The following SMAD5 variants were observed in gnomAD, a reference collection of about 807,000 sequenced individuals.
The protein encoded by SMAD5 is MAD, mothers against decapentaplegic homolog 5.
In SMAD5, 9 loss-of-function variants were observed where a neutral mutation model predicts 43.1. The ratio of observed to expected loss-of-function variants is 0.21; its 90% confidence interval spans 0.13 to 0.36. SMAD5 has a LOEUF of 0.36. SMAD5 is among the 10% of genes least tolerant of loss of function. The pLI is 1.00. For synonymous variants in SMAD5, 190 were observed against 192.4 expected, an observed-to-expected ratio of 0.99 and a Z score of 0.10; for missense variants, 348 against 574.0, an observed-to-expected ratio of 0.61 and a Z score of 4.02.
Position 136,177,087 on chromosome 5 carries a change from A to G in SMAD5, c.1255-250A>G, listed in dbSNP as rs373671975. Among the ~76,000 whole-genome samples the G allele has an allele frequency of 1.4e-4, 22 of 152,208 alleles. No homozygotes were observed. In the East Asian group the frequency reaches 2.1e-3, roughly 15 times the overall value. ...CTAAGATTAAAAAAAATTATGAACT[A>G]TAACTGGCTCTAAGGGTTTCTTTTA... On this transcript the variant is annotated intron_variant, in intron 7 of 7. Transcript: ENST00000545279.
At chr5:136,153,154 A>G (rs1753522813) in intron 2 of SMAD5, among the ~76,000 whole-genome samples, 1 of 152,164 alleles carries the variant, frequency 6.6e-6, no homozygotes, top group African/African-American at 2.4e-5. Flanking sequence ...AAAGAGAATA[A>G]TGACCTTAGA....
intron 3 of SMAD5, among the ~76,000 whole-genome samples, chr5:136,158,129 A>G (rs565945775): frequency 1.3e-5 from 2 of 152,308 alleles, no homozygotes; most frequent in African/African-American, 4.8e-5. Flanking sequence ...AGCATTGAGG[A>G]AGATGGCAGA....
At chr5:136,168,765 G>A (rs940161058) in intron 5 of SMAD5, among the ~76,000 whole-genome samples, 1 of 152,126 alleles carries the variant, frequency 6.6e-6, no homozygotes, top group Non-Finnish European at 1.5e-5. Flanking sequence ...TCTTTTTACT[G>A]TCTCTATAGT....
Position 136,172,415 on chromosome 5 carries a change from G to A in SMAD5, c.776-19G>A, listed in dbSNP as rs1754260338. The stretch of plus-strand genomic sequence containing the variant: ...TTCTGATATGTATTAAACTCTTTCT[G>A]TGTCTGGTTTGTTCACAGATGTTCA... On this transcript the variant is annotated intron_variant, in intron 5 of 7. Coordinates refer to ENST00000545279, the MANE Select transcript of SMAD5 (RefSeq NM_005903.7). 2.4e-5 allele frequency: 35 copies of A among 1,445,116 alleles called. No individual in the cohort carries two copies. The highest frequency in any genetic ancestry group is 3.3e-5 in the Non-Finnish European group (34 of 1,034,288). The allele number at this position is 1,445,116 out of a possible 1,614,324, so 89.5% of individuals were successfully genotyped here.
intron 3 of SMAD5, 96 bp from the exon 4 acceptor site, chr5:136,160,760 A>C: frequency 8.4e-7 from 1 of 1,188,010 alleles, no homozygotes; most frequent in Non-Finnish European, 1.2e-6. Context: ...TAATAGGTTT[A>C]CAGTCTTACA....
chr5:136,177,505 A>G lies in SMAD5; in HGVS notation c.*25A>G. The G allele has an allele frequency of 6.4e-7, 1 of 1,564,664 alleles. No homozygotes were observed. Among genetic ancestry groups the G allele is most frequent in the Non-Finnish European group, 8.7e-7 (1 of 1,148,340 alleles). ...ATGCAGAAGTATTCTTTTCAATTAT[A>G]TTGTTAGTGGACTTGTTTTAATTTT... On this transcript the variant is annotated 3_prime_UTR_variant, in exon 8 of 8. Coordinates refer to ENST00000545279, the MANE Select transcript of SMAD5 (RefSeq NM_005903.7).
At chr5:136,133,076 C>G (rs1314776998) in intron 1 of SMAD5, 114 bp downstream of exon 1, 1 of 152,306 alleles carries the variant, frequency 6.6e-6, no homozygotes, top group Non-Finnish European at 1.5e-5. Flanking sequence ...CGGAAACGAC[C>G]CAGGGCCTGT....
intron 1 of SMAD5, among the ~76,000 whole-genome samples, chr5:136,140,790 T>C (rs1346140255): frequency 6.6e-6 from 1 of 151,364 alleles, no homozygotes; most frequent in African/African-American, 2.4e-5. Context: ...CTCCTTCTGC[T>C]GGAATATAAG....
rs115210751 is a variant in SMAD5 at position 136,162,732 on chromosome 5, C to T, written c.656-540C>T. ...ACATTTAGTTTCCTAAGTGAATTAC[C>T]TAACCATTTAATAGGACACAACAGC... On this transcript the variant is annotated intron_variant, in intron 4 of 7. Transcript: ENST00000545279. 2.9e-3 allele frequency among the ~76,000 whole-genome samples: 438 copies of T among 152,266 alleles called. 5 individuals are homozygous for T. The highest frequency in any genetic ancestry group is 0.01 in the African/African-American group (418 of 41,560).
At chr5:136,148,999 T>C (rs1753359196) in intron 2 of SMAD5, among the ~76,000 whole-genome samples, 1 of 151,862 alleles carries the variant, frequency 6.6e-6, no homozygotes, top group Non-Finnish European at 1.5e-5. Context: ...GATCAAAATA[T>C]GGAAAATTTC....
chr5:136,161,242 ATTGT>A, intron 4 of SMAD5, 135 bp downstream of exon 4: 1 of 789,470 alleles, frequency 1.3e-6, no homozygotes, highest in Non-Finnish European at 2.0e-6. Flanking sequence ...TCTTTAGGTA[ATTGT>A]TTGATTTCCA....
At chr5:136,145,165 G>A (rs1473893060) in intron 1 of SMAD5, among the ~76,000 whole-genome samples, 1 of 151,526 alleles carries the variant, frequency 6.6e-6, no homozygotes, top group Non-Finnish European at 1.5e-5. Context: ...ACAGTTAATA[G>A]CATCTGAGTA....
At chr5:136,171,689 C>T (rs537805693) in intron 5 of SMAD5, among the ~76,000 whole-genome samples, 1 of 152,236 alleles carries the variant, frequency 6.6e-6, no homozygotes, top group Non-Finnish European at 1.5e-5. Flanking sequence ...CCTCAAGTCT[C>T]GTATGTCATA....
chr5:136,174,139 C>A (rs1727168201), intron 6 of SMAD5, among the ~76,000 whole-genome samples: 2 of 151,660 alleles, frequency 1.3e-5, no homozygotes, highest in Admixed American at 1.3e-4. Context: ...AAAAAGAGAA[C>A]AACCTAAAAA....
intron 1 of SMAD5, among the ~76,000 whole-genome samples, chr5:136,141,276 A>G (rs377003971): frequency 1.3e-5 from 2 of 152,328 alleles, no homozygotes; most frequent in East Asian, 3.9e-4. Context: ...GGGAGCAGGA[A>G]TAATGCTTCT....
chr5:136,136,809 C>G (rs1336646351), intron 1 of SMAD5, among the ~76,000 whole-genome samples: 1 of 152,118 alleles, frequency 6.6e-6, no homozygotes, highest in African/African-American at 2.4e-5. Context: ...GATTCTCCTG[C>G]CTCAGCCTCC....
chr5:136,166,061 A>G (rs553213058), intron 5 of SMAD5, among the ~76,000 whole-genome samples: 1 of 152,072 alleles, frequency 6.6e-6, no homozygotes, highest in South Asian at 2.1e-4. Flanking sequence ...CGGATTCCAT[A>G]TTCTTCACAT....
intron 5 of SMAD5, among the ~76,000 whole-genome samples, chr5:136,171,697 A>G (rs919468886): frequency 6.6e-6 from 1 of 152,170 alleles, no homozygotes; most frequent in Non-Finnish European, 1.5e-5. Context: ...CTCGTATGTC[A>G]TATGTAGATG....
intron 2 of SMAD5, among the ~76,000 whole-genome samples, chr5:136,152,090 A>G (rs1753489342): frequency 6.6e-6 from 1 of 152,170 alleles, no homozygotes; most frequent in African/African-American, 2.4e-5. Flanking sequence ...AAGACAAGGC[A>G]CAAGGCATAT....
Sources: allele counts gnomAD v4.1 joint callset (sites outside exome capture counted in the v4.1 genomes callset), GRCh38; gene constraint gnomAD v4.1.1; transcripts MANE v1.5; gene names NCBI Gene and HGNC (gene_info 2026-07-23, HGNC 2026-07-21).